Variants in PCDH15 observed in about 807,000 individuals in gnomAD.
The protein encoded by PCDH15 is protocadherin related 15.
A neutral mutation model predicts 178.5 loss-of-function variants in PCDH15; 129 were observed. The observed-to-expected ratio is 0.72, with a 90% CI of 0.63 to 0.84. The LOEUF is 0.84. Ranked by LOEUF, PCDH15 falls within the 40% of genes least tolerant of loss-of-function variation. The probability of loss-of-function intolerance (pLI) is 0.00; values close to 1 mark genes in which losing one functional copy is unlikely to be tolerated. For synonymous variants in PCDH15, 800 were observed against 732.0 expected (o/e 1.09, Z -1.50); for missense variants, 2,230 against 2,099.9 (o/e 1.06, Z -1.21).
At chr10:54,296,242 G>C (rs1039895279) in intron 8 of PCDH15, among the ~76,000 whole-genome samples, 1 of 150,492 alleles carries the variant, frequency 6.6e-6, no homozygotes, top group African/African-American at 2.5e-5. Context: ...TACAACCCCT[G>C]ACTCTTCGGG....
At chr10:54,874,013 G>C (rs1954089925) in intron 3 of PCDH15, among the ~76,000 whole-genome samples, 1 of 134,302 alleles carries the variant, frequency 7.4e-6, no homozygotes, top group African/African-American at 2.8e-5. Context: ...GGGTACATGT[G>C]CACAATGTGC....
intron 1 of PCDH15, among the ~76,000 whole-genome samples, chr10:54,712,748 A>T (rs2095439121): frequency 6.6e-6 from 1 of 152,024 alleles, no homozygotes; most frequent in African/African-American, 2.4e-5. Context: ...GAGCTAACCA[A>T]CTGGGTTGAA....
At chr10:55,548,224 A>G (rs1045105802) in intron 2 of PCDH15, among the ~76,000 whole-genome samples, 5 of 145,694 alleles carry the variant, frequency 3.4e-5, no homozygotes, top group East Asian at 4.0e-4. Flanking sequence ...ACACACACAC[A>G]CACACACACA....
chr10:54,350,617 T>G (rs1228052701), intron 5 of PCDH15, among the ~76,000 whole-genome samples: 2 of 152,162 alleles, frequency 1.3e-5, no homozygotes, highest in African/African-American at 4.8e-5. Flanking sequence ...CTAAAAAGGC[T>G]CTAATGAAGA....
intron 2 of PCDH15, among the ~76,000 whole-genome samples, chr10:55,159,524 T>C (rs1839003309): frequency 6.7e-6 from 1 of 149,408 alleles, no homozygotes; most frequent in Non-Finnish European, 1.5e-5. Flanking sequence ...CACAACTAGA[T>C]TTGTTAGACT....
chr10:54,916,029 T>C (rs1036510236), intron 2 of PCDH15, among the ~76,000 whole-genome samples: 7 of 152,064 alleles, frequency 4.6e-5, no homozygotes, highest in African/African-American at 1.7e-4. Context: ...GGTTTCACCA[T>C]TTTGGTCAGG....
intron 1 of PCDH15, among the ~76,000 whole-genome samples, chr10:54,762,579 G>C (rs1367799021): frequency 6.6e-6 from 1 of 151,984 alleles, no homozygotes; most frequent in Non-Finnish European, 1.5e-5. Flanking sequence ...CTTTATGTTT[G>C]TCTTGTTTGA....
chr10:54,363,983 C>T (rs1408560361), intron 5 of PCDH15, among the ~76,000 whole-genome samples: 1 of 152,030 alleles, frequency 6.6e-6, no homozygotes, highest in East Asian at 1.9e-4. Context: ...GAGGCTGAGG[C>T]AGGCGGATCA....
chr10:54,080,716 C>T (rs2094425076), intron 16 of PCDH15, among the ~76,000 whole-genome samples: 1 of 152,120 alleles, frequency 6.6e-6, no homozygotes, highest in African/African-American at 2.4e-5. Flanking sequence ...GAACATATGG[C>T]ATGCCCATGA....
intron 2 of PCDH15, among the ~76,000 whole-genome samples, chr10:54,996,324 G>A (rs976460878): frequency 1.6e-4 from 24 of 152,138 alleles, no homozygotes; most frequent in Non-Finnish European, 2.2e-4. Flanking sequence ...GTACCAGATA[G>A]CTGGATATGC....
chr10:54,333,023 A>G (rs1482860073), intron 6 of PCDH15, among the ~76,000 whole-genome samples: 2 of 152,118 alleles, frequency 1.3e-5, no homozygotes, highest in Non-Finnish European at 2.9e-5. Flanking sequence ...AGCTCACTGC[A>G]ACCTCTGCCT....
At chr10:55,357,308 C>T (rs1845104520) in intron 2 of PCDH15, among the ~76,000 whole-genome samples, 1 of 151,456 alleles carries the variant, frequency 6.6e-6, no homozygotes. Context: ...AAATAAGATT[C>T]TAGAATAAAA....
chr10:55,420,001 C>T (rs1374410803), intron 2 of PCDH15, among the ~76,000 whole-genome samples: 3 of 151,664 alleles, frequency 2.0e-5, no homozygotes. Flanking sequence ...GTTCAGCAAA[C>T]ATTTAGTAAT....
chr10:54,667,674 C>G (rs896221923), intron 1 of PCDH15, among the ~76,000 whole-genome samples: 3 of 152,076 alleles, frequency 2.0e-5, no homozygotes, highest in African/African-American at 7.2e-5. Flanking sequence ...ACATCAAACT[C>G]TTTCCATGTT....
chr10:54,134,622 G>A (rs1186757729), intron 14 of PCDH15, among the ~76,000 whole-genome samples: 6 of 151,522 alleles, frequency 4.0e-5, no homozygotes, highest in African/African-American at 1.5e-4. Flanking sequence ...GCGTGGTTGC[G>A]GGCGCCTGGG....
At chr10:54,757,559 G>A (rs1947316391) in intron 1 of PCDH15, among the ~76,000 whole-genome samples, 1 of 32,236 alleles carries the variant, frequency 3.1e-5, no homozygotes, top group Non-Finnish European at 7.4e-5. Flanking sequence ...GGGATTACAG[G>A]CGTGAGCCAC....
intron 1 of PCDH15, among the ~76,000 whole-genome samples, chr10:54,719,502 T>G (rs2095519647): frequency 6.7e-6 from 1 of 150,292 alleles, no homozygotes; most frequent in Non-Finnish European, 1.5e-5. Flanking sequence ...TAGCTATTTT[T>G]ATTATTTCCT....
At chr10:55,144,650 T>C (rs533607231) in intron 2 of PCDH15, among the ~76,000 whole-genome samples, 8 of 152,218 alleles carry the variant, frequency 5.3e-5, no homozygotes, top group African/African-American at 7.2e-5. Context: ...CCAACTGATA[T>C]AGTCAATGAT....
intron 1 of PCDH15, among the ~76,000 whole-genome samples, chr10:54,689,169 T>A (rs1010452017): frequency 7.9e-5 from 12 of 152,064 alleles, no homozygotes; most frequent in Admixed American, 4.6e-4. Flanking sequence ...TTTTCTGATA[T>A]TATTATTAAT....
Sources: allele counts gnomAD v4.1 joint callset (sites outside exome capture counted in the v4.1 genomes callset), GRCh38; gene constraint gnomAD v4.1.1; transcripts MANE v1.5; gene names NCBI Gene and HGNC (gene_info 2026-07-23, HGNC 2026-07-21).